The following SEMA5A variants were observed in gnomAD, a reference collection of about 807,000 sequenced individuals.
The protein encoded by SEMA5A is semaphorin 5A.
Under a neutral mutation model 135.5 loss-of-function variants are expected in SEMA5A, and 55 were observed. The observed-to-expected ratio is 0.41, with a 90% confidence interval of 0.33 to 0.51. The LOEUF is 0.51. SEMA5A is among the 20% of genes least tolerant of loss of function. The probability of loss-of-function intolerance (pLI) is 0.37; values close to 1 mark genes in which losing one functional copy is unlikely to be tolerated. For missense variants in SEMA5A, 1,290 were observed against 1,419.9 expected (o/e 0.91, Z 1.47); for synonymous variants, 580 against 546.5 (o/e 1.06, Z -0.85).
In SEMA5A at chr5:9,201,333, C is replaced by G. The variant is rs180944789; in HGVS notation, c.932+622G>C. 7.2e-5 allele frequency among the ~76,000 whole-genome samples: 11 copies of G among 152,190 alleles called. No individual in the cohort carries two copies. In the East Asian group the frequency reaches 1.9e-3, roughly 27 times the overall value. On this transcript the variant is annotated intron_variant, in intron 9 of 22. Transcript: ENST00000382496. ...GAAAACTTCATAAGCTTAAGACAGCCGAAATATTGTTCATTCTAAAGTTAG... is the reference window on the plus strand; with the variant it reads ...GAAAACTTCATAAGCTTAAGACAGCGGAAATATTGTTCATTCTAAAGTTAG...
chr5:9,088,281 C>T lies in SEMA5A; in HGVS notation c.2073+19859G>A, dbSNP rs191970468. On this transcript the variant is annotated intron_variant, in intron 16 of 22. Coordinates refer to ENST00000382496, the MANE Select transcript of SEMA5A (RefSeq NM_003966.3). ...ATCATACCACTGCACTCCAGCCTGG[C>T]AACAGAGTGAGACTCCATCTCAAAA... Among the ~76,000 whole-genome samples, 9 of 121,874 alleles carry T rather than the reference C, an allele frequency of 7.4e-5. No homozygotes were observed. In the East Asian group the frequency reaches 1.4e-3, roughly 20 times the overall value. 80.0% of individuals were successfully genotyped at this position (121,874 alleles called of 152,430 possible). A position where few individuals can be genotyped will look rare whatever the true frequency, so the allele number is the denominator to read the frequency against.
chr5:9,366,556 G>C (rs1227734363), intron 3 of SEMA5A, among the ~76,000 whole-genome samples: 2 of 152,004 alleles, frequency 1.3e-5, no homozygotes, highest in African/African-American at 4.8e-5. Flanking sequence ...GCCCAGCTAA[G>C]TTTTTGTATT....
At chr5:9,468,681 A>G (rs1759357385) in intron 1 of SEMA5A, among the ~76,000 whole-genome samples, 2 of 152,200 alleles carry the variant, frequency 1.3e-5, no homozygotes, top group Admixed American at 6.5e-5. Context: ...TTAAATGGCT[A>G]CATAGCAACC....
intron 18 of SEMA5A, among the ~76,000 whole-genome samples, chr5:9,060,165 T>C (rs986296603): frequency 1.3e-5 from 2 of 152,204 alleles, no homozygotes; most frequent in Non-Finnish European, 2.9e-5. Flanking sequence ...TGGGCCACTC[T>C]GAATAACTCC....
intron 11 of SEMA5A, among the ~76,000 whole-genome samples, chr5:9,174,534 G>C (rs1272859796): frequency 6.6e-6 from 1 of 152,160 alleles, no homozygotes; most frequent in Admixed American, 6.5e-5. Flanking sequence ...ACGCACTGGA[G>C]GATGCACCCA....
chr5:9,184,401 T>C (rs915988511), intron 11 of SEMA5A, among the ~76,000 whole-genome samples: 5 of 152,190 alleles, frequency 3.3e-5, no homozygotes, highest in African/African-American at 1.2e-4. Flanking sequence ...TCTTCCTTTA[T>C]TGCAGGGTAA....
intron 16 of SEMA5A, among the ~76,000 whole-genome samples, chr5:9,086,096 G>A (rs1738669261): frequency 6.6e-6 from 1 of 152,188 alleles, no homozygotes; most frequent in Admixed American, 6.5e-5. Context: ...TATCTAGGAA[G>A]CAACTAATTT....
intron 20 of SEMA5A, among the ~76,000 whole-genome samples, chr5:9,051,474 G>A (rs62358493): frequency 9.3e-4 from 142 of 152,326 alleles, no homozygotes; most frequent in Admixed American, 3.4e-3. Context: ...GTATATTAAA[G>A]ATAGCATAAA....
Position 9,545,261 on chromosome 5 carries a change from T to A in SEMA5A, c.-175+323A>T, listed in dbSNP as rs1738325000. Among the ~76,000 whole-genome samples, 1 of 152,040 alleles carries A rather than the reference T, an allele frequency of 6.6e-6. No homozygotes were observed. ...GGGCACAGACCAGTGTGCGCACCTT[T>A]CCGGGTGTTGGGCAGGGGTCCCGTC... is the stretch of plus-strand genomic sequence containing the variant. On this transcript the variant is annotated intron_variant, in intron 1 of 22. Transcript: ENST00000382496. The surrounding 1 kb of genome is among the most constrained non-coding windows in gnomAD (Gnocchi z 4.5).
At chr5:9,280,841 G>A (rs767087697) in intron 5 of SEMA5A, 7 of 425,698 alleles carry the variant, frequency 1.6e-5, no homozygotes, top group Non-Finnish European at 2.8e-5. Context: ...TGAATAAAAT[G>A]TAACGTTTTA....
At chr5:9,161,915 T>C (rs1743279309) in intron 11 of SEMA5A, among the ~76,000 whole-genome samples, 1 of 152,162 alleles carries the variant, frequency 6.6e-6, no homozygotes, top group Admixed American at 6.5e-5. Context: ...ACACGGCCAG[T>C]AAATGTGGCC....
At chr5:9,159,041 C>A (rs1197418948) in intron 11 of SEMA5A, among the ~76,000 whole-genome samples, 1 of 152,120 alleles carries the variant, frequency 6.6e-6, no homozygotes, top group Non-Finnish European at 1.5e-5. Context: ...TTTAAGTGTG[C>A]AGCCTGTATT....
At chr5:9,251,853 T>C (rs561707158) in intron 5 of SEMA5A, among the ~76,000 whole-genome samples, 25 of 152,260 alleles carry the variant, frequency 1.6e-4, no homozygotes, top group African/African-American at 5.3e-4. Flanking sequence ...CTGCCCATCA[T>C]AACTAACTCT....
chr5:9,172,071 G>A (rs972075534), intron 11 of SEMA5A, among the ~76,000 whole-genome samples: 1 of 152,068 alleles, frequency 6.6e-6, no homozygotes, highest in African/African-American at 2.4e-5. Flanking sequence ...CTGACTCCAA[G>A]GCTGGAAAAC....
rs146789990 is a variant in SEMA5A at position 9,137,811 on chromosome 5, G to T, written c.1482-1190C>A. 3.5e-3 allele frequency among the ~76,000 whole-genome samples: 537 copies of T among 152,254 alleles called. 3 individuals are homozygous for T. Among genetic ancestry groups the T allele is most frequent in the African/African-American group, 0.013 (523 of 41,550 alleles). On this transcript the variant is annotated intron_variant, in intron 12 of 22. Transcript: ENST00000382496. ...ATATTTATAATACAAAATAATCATT[G>T]TTAAAACACCAAATGTATTAATCAT...
At chr5:9,087,106 G>A (rs539839206) in intron 16 of SEMA5A, among the ~76,000 whole-genome samples, 8 of 152,292 alleles carry the variant, frequency 5.3e-5, no homozygotes, top group South Asian at 2.1e-4. Context: ...GATACAGCAC[G>A]ATGTGAGGAC....
chr5:9,496,739 G>A lies in SEMA5A; in HGVS notation c.-175+48845C>T, dbSNP rs3798048. On this transcript the variant is annotated intron_variant, in intron 1 of 22. Coordinates refer to ENST00000382496, the MANE Select transcript of SEMA5A (RefSeq NM_003966.3). ...TAGTCAAGAAAAAAATGACCATCCT[G>A]GAGTATTCAATTACCTGAGGAAGGC... Among the ~76,000 whole-genome samples, 7 of 152,228 alleles carry A rather than the reference G, an allele frequency of 4.6e-5. No individual in the cohort carries two copies. In the East Asian group the frequency reaches 1.2e-3, roughly 25 times the overall value.
At chr5:9,366,108 G>A (rs1754903026) in intron 3 of SEMA5A, among the ~76,000 whole-genome samples, 2 of 152,140 alleles carry the variant, frequency 1.3e-5, no homozygotes, top group Admixed American at 6.5e-5. Flanking sequence ...CGGGGTAAGG[G>A]TTTCTAAACT....
intron 1 of SEMA5A, among the ~76,000 whole-genome samples, chr5:9,462,125 C>A (rs941342791): frequency 6.6e-6 from 1 of 152,148 alleles, no homozygotes; most frequent in Non-Finnish European, 1.5e-5. Flanking sequence ...TATCCCAAAC[C>A]TAAACAAAAT....
Sources: gnomAD v4.1 joint callset for allele counts (sites outside exome capture counted in the v4.1 genomes callset) on GRCh38, gnomAD v4.1.1 for gene constraint, Gnocchi (gnomAD v3.1) non-coding constraint, MANE v1.5 for transcripts, NCBI Gene and HGNC (gene_info 2026-07-23, HGNC 2026-07-21) for gene names.